ACAD10: variants seen among roughly 807,000 people sequenced by gnomAD.
ACAD10 encodes the protein ACAD-10.
ACAD10 carries 112 observed loss-of-function variants against 116.8 expected under a neutral mutation model. That is an observed-to-expected ratio of 0.96 (90% CI 0.82 to 1.12). The LOEUF is 1.12. Ranked by LOEUF, ACAD10 falls within the 50% of genes most tolerant of loss-of-function variation. The probability of loss-of-function intolerance (pLI) is 0.00; values close to 1 mark genes in which losing one functional copy is unlikely to be tolerated. For missense variants in ACAD10, 1,259 were observed against 1,350.2 expected, an observed-to-expected ratio of 0.93 and a Z score of 1.06; for synonymous variants, 486 against 510.6, an observed-to-expected ratio of 0.95 and a Z score of 0.65.
intron 14 of ACAD10, 139 bp from the exon 15 acceptor site, chr12:111,746,910 G>C (rs1889919330): frequency 8.8e-7 from 1 of 1,141,952 alleles, no homozygotes; most frequent in Admixed American, 2.7e-5. Context: ...AGGCATGGGA[G>C]GATGGCTTGA....
intron 2 of ACAD10, among the ~76,000 whole-genome samples, chr12:111,698,297 CT>C (rs1253211670): frequency 0.017 from 1,995 of 119,754 alleles, 37 homozygotes; most frequent in African/African-American, 0.054. Context: ...TGCATCTGGC[CT>C]TTTTTTTTTT....
intron 19 of ACAD10, 79 bp from the exon 20 acceptor site, chr12:111,755,589 G>A (rs915692810): frequency 3.0e-6 from 3 of 1,012,590 alleles, no homozygotes; most frequent in African/African-American, 1.6e-5. Context: ...TTTTAGTAGA[G>A]ATGGGGGACG....
intron 2 of ACAD10, among the ~76,000 whole-genome samples, chr12:111,701,841 A>T (rs895473327): frequency 6.6e-6 from 1 of 152,180 alleles, no homozygotes; most frequent in African/African-American, 2.4e-5. Context: ...TGCCAGGTCC[A>T]GGTAAGTGAC....
rs778726510 is a variant in ACAD10, at chr12:111,753,879, G to A, written c.2925G>A (p.Leu975=). The change falls in exon 19 of 21, where the codon CTG becomes CTA. Residue 975 remains leucine (L), a synonymous_variant. Transcript: ENST00000313698. ...TTGAGCAGGCACGGCTGCTGGTGCT[G>A]AGAGCTGCCCACCTCATGGACCTGG... ...VEIEQARLLV[L]RAAHLMDLAG... 6 of 1,612,006 alleles carry A rather than the reference G, an allele frequency of 3.7e-6. No individual in the cohort carries two copies. The Admixed American group carries it at 1.0e-4, about 27-fold the overall frequency.
At position 111,706,782 on chromosome 12, in the gene ACAD10, A is replaced by ATTTTT. The variant is rs36125603; in HGVS notation, c.531+857_531+861dup. Among the ~76,000 whole-genome samples the ATTTTT allele has an allele frequency of 7.1e-5, 9 of 126,502 alleles. No homozygotes were observed. In the East Asian group the frequency reaches 1.4e-3, roughly 19 times the overall value. 83.0% of individuals were successfully genotyped at this position (126,502 alleles called of 152,430 possible). ...TTTTTTTATATATATATATATATAT[A>ATTTTT]TTTTTTTTTTTGAGACCATCTCACT... On this transcript the variant is annotated intron_variant, in intron 4 of 20. Coordinates refer to ENST00000313698, the MANE Select transcript of ACAD10 (RefSeq NM_025247.6).
intron 7 of ACAD10, among the ~76,000 whole-genome samples, chr12:111,716,388 A>T (rs1888847868): frequency 6.6e-6 from 1 of 152,214 alleles, no homozygotes; most frequent in Non-Finnish European, 1.5e-5. Flanking sequence ...CAAAAAGCCA[A>T]ATGTAAATTA....
rs148269182 is a variant in ACAD10, at chr12:111,709,650, A to G, written c.656A>G (p.Lys219Arg). Residue 219 changes from lysine (K) to arginine (R), a missense_variant, in exon 5 of 21, where the codon AAA becomes AGA. Physicochemically the swap from Lys to Arg is conservative, Grantham distance 26. Transcript: ENST00000313698. The stretch of plus-strand genomic sequence containing the variant: ...CTTGATGACCTTGGAACAAATCTAA[A>G]AGAAGCTGCCAGACTTGGTATTCAC... ...IFLDDLGTNL[K>R]EAARLGIHTI... is the part of the protein sequence containing the mutation. The G allele has an allele frequency of 6.2e-7, 1 of 1,613,742 alleles. No individual in the cohort carries two copies. Among genetic ancestry groups the G allele is most frequent in the East Asian group, 2.2e-5 (1 of 44,864 alleles).
intron 12 of ACAD10, among the ~76,000 whole-genome samples, chr12:111,741,036 A>G (rs1307088400): frequency 6.6e-6 from 1 of 152,086 alleles, no homozygotes; most frequent in Non-Finnish European, 1.5e-5. Context: ...ATGAGCCTCT[A>G]CTAAAAGCCA....
chr12:111,754,412 A>G (rs1030467430), intron 19 of ACAD10, among the ~76,000 whole-genome samples: 40 of 152,170 alleles, frequency 2.6e-4, no homozygotes, highest in Admixed American at 2.6e-3. Flanking sequence ...CAGCCTCCCA[A>G]GTAGCTGGGA....
intron 6 of ACAD10, chr12:111,715,555 C>T (rs759127867): frequency 3.7e-5 from 15 of 409,248 alleles, no homozygotes; most frequent in Non-Finnish European, 6.3e-5. Flanking sequence ...AAATTGGACA[C>T]CTGCACAAAC....
At position 111,756,832 on chromosome 12, in the gene ACAD10, A is replaced by G. The variant is rs537531252; in HGVS notation, c.*359A>G. 2.1e-5 allele frequency: 10 copies of G among 468,382 alleles called. No homozygotes were observed. Among genetic ancestry groups the G allele is most frequent in the South Asian group, 1.5e-4 (10 of 64,658 alleles). The allele number at this position is 468,382 out of a possible 1,614,324, so 29.0% of individuals were successfully genotyped here. On this transcript the variant is annotated 3_prime_UTR_variant, in exon 21 of 21. Transcript: ENST00000313698. ...TGTGGGAATCTGGACACATTTTGGG[A>G]GGCCTCCCAAGGCTGTGGGACGTGC...
chr12:111,696,180 T>A (rs563866531), intron 2 of ACAD10, among the ~76,000 whole-genome samples: 7 of 152,046 alleles, frequency 4.6e-5, no homozygotes, highest in African/African-American at 1.7e-4. Flanking sequence ...TGCCTCAGGC[T>A]CCCAAGTAGC....
At chr12:111,747,445 GTC>G (rs1889944878) in intron 16 of ACAD10, 60 bp downstream of exon 16, 1 of 1,601,100 alleles carries the variant, frequency 6.2e-7, no homozygotes, top group Non-Finnish European at 8.6e-7. Context: ...TGTTAGGCGC[GTC>G]TCTCAATGCC....
At chr12:111,728,686 T>TTTTTTTGTTTG (rs1288477933) in intron 9 of ACAD10, among the ~76,000 whole-genome samples, 1 of 152,070 alleles carries the variant, frequency 6.6e-6, no homozygotes, top group African/African-American at 2.4e-5. Flanking sequence ...ACAGGGATAG[T>TTTTTTTGTTTG]TTTTTTGTTT....
rs554955436 is a variant in ACAD10, at chr12:111,722,059, CGGAGTCTCATTCTGTCACCCAGACT to C, written c.1061+352_1061+376del. On this transcript the variant is annotated intron_variant, in intron 8 of 20. Coordinates refer to ENST00000313698, the MANE Select transcript of ACAD10 (RefSeq NM_025247.6). Reference sequence around the variant, plus strand: ...ACTGTTTTGTTTTGTTTTTTTGAGACGGAGTCTCATTCTGTCACCCAGACTGGAGTCTCATTCTGTCACCCAGACT... The same window carrying C: ...ACTGTTTTGTTTTGTTTTTTTGAGACGGAGTCTCATTCTGTCACCCAGACT... The C allele has an allele frequency of 7.0e-3, 1,226 of 175,392 alleles. 15 individuals carry two copies. Among genetic ancestry groups the C allele is most frequent in the African/African-American group, 0.027 (1,162 of 42,340 alleles). 10.9% of individuals were successfully genotyped at this position (175,392 alleles called of 1,614,324 possible).
At chr12:111,706,764 A>T (rs1015494694) in intron 4 of ACAD10, among the ~76,000 whole-genome samples, 35 of 127,700 alleles carry the variant, frequency 2.7e-4, no homozygotes, top group Admixed American at 5.7e-4. Flanking sequence ...TTATTTTTTT[A>T]TATATATATA....
intron 2 of ACAD10, among the ~76,000 whole-genome samples, chr12:111,700,748 CTTTTTTTTT>C (rs750378233): frequency 1.1e-5 from 1 of 89,938 alleles, no homozygotes; most frequent in Non-Finnish European, 2.2e-5. Context: ...CCTTCCTCTT[CTTTTTTTTT>C]TTTTTTTTTT....
rs898191435 is a variant in ACAD10, at chr12:111,713,935, C to A, written c.850+1278C>A. On this transcript the variant is annotated intron_variant, in intron 6 of 20. Coordinates refer to ENST00000313698, the MANE Select transcript of ACAD10 (RefSeq NM_025247.6). Reference sequence around the variant, plus strand: ...GTGACAGAGCAAGACTCCGTCCCCCCCCCAAAAAAAAAAGGAAAAATAATG... The same window carrying A: ...GTGACAGAGCAAGACTCCGTCCCCCACCCAAAAAAAAAAGGAAAAATAATG... Among the ~76,000 whole-genome samples, 4 of 150,190 alleles carry A rather than the reference C, an allele frequency of 2.7e-5. No homozygotes were observed. In the East Asian group the frequency reaches 5.9e-4, roughly 22 times the overall value.
chr12:111,756,434 G>A lies in ACAD10; in HGVS notation c.3141G>A (p.Arg1047=). The A allele has an allele frequency of 1.9e-6, 3 of 1,612,624 alleles. No individual in the cohort carries two copies. The highest frequency in any genetic ancestry group is 2.5e-6 in the Non-Finnish European group (3 of 1,179,864). Residue 1047 remains arginine (R), a synonymous_variant, in exon 21 of 21, where the codon CGG becomes CGA. Coordinates refer to ENST00000313698, the MANE Select transcript of ACAD10 (RefSeq NM_025247.6). ...CCGACGGCCCTGACGAGGTGCACCG[G>A]GCCACGGTGGCCAAGCTAGAGCTGA... ...RFADGPDEVH[R]ATVAKLELKH...
Sources: gnomAD v4.1 joint callset for allele counts (sites outside exome capture counted in the v4.1 genomes callset) on GRCh38, gnomAD v4.1.1 for gene constraint, MANE v1.5 for transcripts, NCBI Gene and HGNC (gene_info 2026-07-23, HGNC 2026-07-21) for gene names.